Variants in TDRD1 observed in about 807,000 individuals in gnomAD.
The protein encoded by TDRD1 is tudor domain-containing protein 1.
A neutral mutation model predicts 140.6 loss-of-function variants in TDRD1; 37 were observed. The ratio of observed to expected loss-of-function variants is 0.26; its 90% confidence interval spans 0.20 to 0.35. TDRD1 has a LOEUF of 0.35. TDRD1 is among the 10% of genes least tolerant of loss of function. The pLI is 1.00. For synonymous variants in TDRD1, 506 were observed against 475.7 expected (o/e 1.06, Z -0.83); for missense variants, 1,243 against 1,393.0 (o/e 0.89, Z 1.71).
intron 3 of TDRD1, among the ~76,000 whole-genome samples, chr10:114,198,277 T>C (rs893003988): frequency 2.6e-5 from 4 of 152,216 alleles, no homozygotes; most frequent in African/African-American, 9.6e-5. Context: ...GTGGAAAGTC[T>C]GGACTCTCCA....
intron 25 of TDRD1, chr10:114,228,187 G>A (rs756137106): frequency 1.3e-6 from 2 of 1,503,698 alleles, no homozygotes; most frequent in Admixed American, 2.4e-5. Context: ...ACATCTTCAG[G>A]CATATTGGCA....
chr10:114,218,642 A>G, intron 18 of TDRD1, 58 bp downstream of exon 18: 1 of 1,196,938 alleles, frequency 8.4e-7, no homozygotes, highest in Admixed American at 2.2e-5. Context: ...ATATAATCCA[A>G]GTGTTAATAT....
upstream of TDRD1, chr10:114,179,236 G>A (rs1459077692): frequency 6.6e-6 from 1 of 152,352 alleles, no homozygotes; most frequent in Non-Finnish European, 1.5e-5. Context: ...TGGGCACATT[G>A]AGTTGCACGT....
rs1331979973 is a variant in TDRD1 at position 114,220,055 on chromosome 10, T to C, written c.2495-513T>C. Among the ~76,000 whole-genome samples the C allele has an allele frequency of 4.6e-5, 7 of 152,216 alleles. No individual in the cohort carries two copies. The East Asian group carries it at 1.3e-3, about 29-fold the overall frequency. ...AGAAACTCTGGGTAGGGCCCCACAG[T>C]CTGTGTTTTAACAAGGCCTCTAGGT... On this transcript the variant is annotated intron_variant, in intron 18 of 25. Coordinates refer to ENST00000251864, the Ensembl canonical transcript of TDRD1.
At chr10:114,209,441 A>G (rs1239748386) in intron 11 of TDRD1, among the ~76,000 whole-genome samples, 2 of 152,210 alleles carry the variant, frequency 1.3e-5, no homozygotes, top group East Asian at 1.9e-4. Flanking sequence ...CTGTGAAACA[A>G]CAGGACAACA....
exon 19 of TDRD1, chr10:114,220,842 A>T: frequency 6.2e-7 from 1 of 1,601,510 alleles, no homozygotes; most frequent in Non-Finnish European, 8.5e-7. Context: ...AGGGACTTCA[A>T]GGTAACATTT....
At chr10:114,204,177 T>A in exon 9 of TDRD1, 1 of 1,598,324 alleles carries the variant, frequency 6.3e-7, no homozygotes, top group South Asian at 1.1e-5. Flanking sequence ...TAAACAGAAT[T>A]TACCACCTCA....
intron 16 of TDRD1, among the ~76,000 whole-genome samples, chr10:114,216,731 C>T (rs1356849270): frequency 6.6e-6 from 1 of 152,150 alleles, no homozygotes; most frequent in Non-Finnish European, 1.5e-5. Flanking sequence ...CTTCAGAGGC[C>T]AGCCAAACAA....
chr10:114,198,591 C>T (rs1156988134), intron 3 of TDRD1, among the ~76,000 whole-genome samples: 1 of 151,270 alleles, frequency 6.6e-6, no homozygotes, highest in Non-Finnish European at 1.5e-5. Context: ...GTTAAGTTTT[C>T]TGTCTTGCTG....
rs779217283 is a variant in TDRD1 at position 114,227,364 on chromosome 10, GTTGAC to G, written c.3403+71_3403+75del. 102 of 1,187,740 alleles carry G rather than the reference GTTGAC, an allele frequency of 8.6e-5. 1 individual carries two copies. Among genetic ancestry groups the G allele is most frequent in the Middle Eastern group, 7.8e-4 (4 of 5,156 alleles). The allele number at this position is 1,187,740 out of a possible 1,614,324, so 73.6% of individuals were successfully genotyped here. On this transcript the variant is annotated intron_variant, in intron 23 of 25. Transcript: ENST00000251864. ...TGAGGAATAACAGATAATCAATTTA[GTTGAC>G]TTGACCTTTTCTCACTTCCCATGCC...
chr10:114,204,070 C>T lies in TDRD1; in HGVS notation c.982-3C>T. ...GCAGAGTACCATTATATTTCACTTT[C>T]AGACCTGGAACAGAGCAATCATACA... On this transcript the variant is annotated splice_polypyrimidine_tract_variant and splice_region_variant and intron_variant, in intron 8 of 25. Coordinates refer to ENST00000251864, the Ensembl canonical transcript of TDRD1. 1 of 1,598,428 alleles carries T rather than the reference C, an allele frequency of 6.3e-7. No individual in the cohort carries two copies. Among genetic ancestry groups the T allele is most frequent in the Non-Finnish European group, 8.5e-7 (1 of 1,176,392 alleles).
exon 19 of TDRD1, chr10:114,220,714 C>T (rs763795917): frequency 1.2e-6 from 2 of 1,613,666 alleles, no homozygotes; most frequent in Non-Finnish European, 1.7e-6. Flanking sequence ...CACTTGTTAT[C>T]CCAGAATAAT....
At chr10:114,198,026 C>T (rs1026309484) in intron 3 of TDRD1, among the ~76,000 whole-genome samples, 1 of 152,244 alleles carries the variant, frequency 6.6e-6, no homozygotes, top group African/African-American at 2.4e-5. Context: ...TGTTTGTTAC[C>T]GCCAGGTCGG....
chr10:114,210,740 A>G (rs1478325480), exon 12 of TDRD1: 1 of 1,609,846 alleles, frequency 6.2e-7, no homozygotes, highest in East Asian at 2.2e-5. Flanking sequence ...CAACAACTGC[A>G]AAGTGGCCGT....
chr10:114,230,519 A>G (rs977520236), intron 25 of TDRD1, among the ~76,000 whole-genome samples: 3 of 152,208 alleles, frequency 2.0e-5, no homozygotes, highest in Non-Finnish European at 2.9e-5. Flanking sequence ...AGAGGGTTAC[A>G]TGACTGTCCA....
intron 16 of TDRD1, among the ~76,000 whole-genome samples, 193 bp from the exon 17 acceptor site, chr10:114,217,352 G>T (rs1564961372): frequency 6.6e-6 from 1 of 152,086 alleles, no homozygotes; most frequent in African/African-American, 2.4e-5. Flanking sequence ...TGGGTTTATT[G>T]AAAGTATTAA....
In TDRD1 at chr10:114,204,054, C is replaced by T. The variant is rs10885537; in HGVS notation, c.982-19C>T. 354,563 of 1,591,360 alleles carry T rather than the reference C, an allele frequency of 0.22. 40,973 individuals are homozygous for T. Among genetic ancestry groups the T allele is most frequent in the Middle Eastern group, 0.28 (1,342 of 4,848 alleles). On this transcript the variant is annotated intron_variant, in intron 8 of 25. Coordinates refer to ENST00000251864, the Ensembl canonical transcript of TDRD1. The stretch of plus-strand genomic sequence containing the variant: ...GAAATGCTGTTATGAAGCAGAGTAC[C>T]ATTATATTTCACTTTCAGACCTGGA...
intron 16 of TDRD1, among the ~76,000 whole-genome samples, chr10:114,216,322 G>T (rs747511288): frequency 1.6e-4 from 24 of 152,296 alleles, no homozygotes; most frequent in Non-Finnish European, 3.1e-4. Context: ...GTATTCCACT[G>T]TGTGGGTTTA....
intron 1 of TDRD1, among the ~76,000 whole-genome samples, chr10:114,185,775 G>A (rs1314197435): frequency 1.3e-5 from 2 of 151,038 alleles, no homozygotes; most frequent in East Asian, 4.0e-4. Flanking sequence ...TTTTAGTAGA[G>A]ACAGAGTTTC....
Sources: allele counts gnomAD v4.1 joint callset (sites outside exome capture counted in the v4.1 genomes callset), GRCh38; gene constraint gnomAD v4.1.1; transcripts MANE v1.5; gene names NCBI Gene and HGNC (gene_info 2026-07-23, HGNC 2026-07-21).